Variants in ZNF469 observed in about 807,000 individuals in gnomAD.
The protein encoded by ZNF469 is zinc finger protein 469.
ZNF469 carries 1 observed loss-of-function variant against 1.0 expected under a neutral mutation model. The observed-to-expected ratio is 1.00, with a 90% CI of 0.35 to 4.73. The LOEUF (loss-of-function observed/expected upper bound fraction) is 4.73. Ranked by LOEUF, ZNF469 falls within the 30% of genes most tolerant of loss-of-function variation. The pLI is 0.16. For missense variants in ZNF469, 6,100 were observed against 5,356.3 expected (o/e 1.14, Z -4.33); for synonymous variants, 2,703 against 2,363.4 (o/e 1.14, Z -4.17).
At chr16:88,191,184 G>C in the ZNF469 span, among the ~76,000 whole-genome samples, 1 of 151,786 alleles carries the variant, frequency 6.6e-6, no homozygotes, top group African/African-American at 2.4e-5. Context: ...GGGTTATTTT[G>C]TTCCCAGGAG....
the ZNF469 span, among the ~76,000 whole-genome samples, chr16:88,352,409 G>A: frequency 6.6e-6 from 1 of 152,220 alleles, no homozygotes; most frequent in African/African-American, 2.4e-5. Flanking sequence ...CAGAGCCAGG[G>A]CCTTTTGGAG....
the ZNF469 span, among the ~76,000 whole-genome samples, chr16:88,152,988 C>T: frequency 1.3e-5 from 2 of 152,212 alleles, no homozygotes; most frequent in South Asian, 2.1e-4. This position sits in a 1 kb window ranked among gnomAD's most constrained non-coding sequence, Gnocchi z 4.2. Flanking sequence ...CCCCCAGCAC[C>T]GTGGCTCCGG....
the ZNF469 span, among the ~76,000 whole-genome samples, chr16:88,226,252 C>T: frequency 2.0e-5 from 3 of 152,122 alleles, no homozygotes; most frequent in South Asian, 2.1e-4. Context: ...ACCCCCAGCA[C>T]GCAGGATGTG....
At chr16:88,191,787 G>A in the ZNF469 span, 2 of 152,224 alleles carry the variant, frequency 1.3e-5, no homozygotes, top group African/African-American at 4.8e-5. Flanking sequence ...TCAGAACGCA[G>A]GCAGAGGTGA....
chr16:88,281,777 A>G, the ZNF469 span, among the ~76,000 whole-genome samples: 1 of 151,616 alleles, frequency 6.6e-6, no homozygotes, highest in Non-Finnish European at 1.5e-5. Flanking sequence ...GTACTGTGCC[A>G]CACCGATGCT....
In ZNF469 at chr16:88,435,699, G is replaced by A; in HGVS notation, c.8229G>A (p.Gln2743=). 1 of 1,550,722 alleles carries A rather than the reference G, an allele frequency of 6.4e-7. No individual in the cohort carries two copies. The highest frequency in any genetic ancestry group is 1.2e-5 in the South Asian group (1 of 84,060). ...GRMDGAALGE[Q]PTGQKGASAR... ...TGGATGGTGCAGCTCTGGGGGAACA[G>A]CCAACTGGGCAGAAGGGAGCCTCGG... is the stretch of plus-strand genomic sequence containing the variant. Residue 2743 remains glutamine, a synonymous_variant, in exon 3 of 3, where the codon CAG becomes CAA. Coordinates refer to ENST00000565624, the MANE Select transcript of ZNF469 (RefSeq NM_001367624.2).
At chr16:88,272,954 G>T in the ZNF469 span, among the ~76,000 whole-genome samples, 1 of 149,196 alleles carries the variant, frequency 6.7e-6, no homozygotes. Context: ...GAACGGGTGG[G>T]TGTGTGGATA....
chr16:88,415,185 C>A (rs1271874703), intron 1 of ZNF469, among the ~76,000 whole-genome samples: 3 of 152,214 alleles, frequency 2.0e-5, no homozygotes, highest in African/African-American at 7.2e-5. Flanking sequence ...AGTGCTGGCC[C>A]GGTGACCACC....
the ZNF469 span, among the ~76,000 whole-genome samples, chr16:88,180,383 A>C: frequency 6.6e-6 from 1 of 152,242 alleles, no homozygotes; most frequent in African/African-American, 2.4e-5. Context: ...TGAACTATTA[A>C]AAGAAAGCTG....
At chr16:88,366,879 CCAT>C in the ZNF469 span, among the ~76,000 whole-genome samples, 6 of 152,214 alleles carry the variant, frequency 3.9e-5, no homozygotes, top group Non-Finnish European at 5.9e-5. Flanking sequence ...ATCACCACCA[CCAT>C]CATCACCGTC....
chr16:88,120,456 GCC>G, the ZNF469 span, among the ~76,000 whole-genome samples: 1 of 152,266 alleles, frequency 6.6e-6, no homozygotes, highest in African/African-American at 2.4e-5. Context: ...GAGATGGCGC[GCC>G]CCACCTCGGA....
chr16:88,247,475 AGTG>A, the ZNF469 span, among the ~76,000 whole-genome samples: 1 of 152,124 alleles, frequency 6.6e-6, no homozygotes, highest in African/African-American at 2.4e-5. Context: ...TGAATGAGTG[AGTG>A]AATGAGTGAA....
At chr16:88,238,191 C>T in the ZNF469 span, among the ~76,000 whole-genome samples, 1 of 152,368 alleles carries the variant, frequency 6.6e-6, no homozygotes, top group South Asian at 2.1e-4. Context: ...GCCCACGCTG[C>T]CATGTGGCCG....
chr16:88,224,946 C>G, the ZNF469 span, among the ~76,000 whole-genome samples: 2 of 152,230 alleles, frequency 1.3e-5, no homozygotes, highest in African/African-American at 4.8e-5. Flanking sequence ...GCTCACGTGG[C>G]TCAGCCCCAT....
chr16:88,137,010 G>C, the ZNF469 span, among the ~76,000 whole-genome samples: 2 of 152,340 alleles, frequency 1.3e-5, no homozygotes, highest in South Asian at 4.1e-4. Context: ...TTGTGTGTGC[G>C]TATAGCCATG....
chr16:88,361,983 T>G, the ZNF469 span, among the ~76,000 whole-genome samples: 1 of 152,238 alleles, frequency 6.6e-6, no homozygotes, highest in Non-Finnish European at 1.5e-5. Flanking sequence ...TGTCTGTTCC[T>G]GAATTGTCAG....
At chr16:88,358,050 G>A in the ZNF469 span, among the ~76,000 whole-genome samples, 1 of 152,246 alleles carries the variant, frequency 6.6e-6, no homozygotes, top group Non-Finnish European at 1.5e-5. Flanking sequence ...GCGGGGGGCT[G>A]GGCCAGATGG....
the ZNF469 span, among the ~76,000 whole-genome samples, chr16:88,175,692 C>T: frequency 1.3e-5 from 2 of 152,156 alleles, no homozygotes; most frequent in Non-Finnish European, 1.5e-5. Context: ...TCAGTTAAAG[C>T]CGCACTTCAG....
Position 88,438,447 on chromosome 16 carries a change from G to GGGGCCCCGAGGCGCCTTCCACAA in ZNF469, c.10982_11004dup (p.Ser3669ProfsTer59). 6.5e-7 allele frequency: 1 copy of GGGGCCCCGAGGCGCCTTCCACAA among 1,550,162 alleles called. No individual in the cohort carries two copies. The stretch of plus-strand genomic sequence containing the variant: ...CCTCAAGCCACATGGTGTCTGAGGG[G>GGGGCCCCGAGGCGCCTTCCACAA]GGGCCCCGAGGCGCCTTCCACAAGG... On this transcript the variant is annotated frameshift_variant, in exon 3 of 3. Coordinates refer to ENST00000565624, the MANE Select transcript of ZNF469 (RefSeq NM_001367624.2). LOFTEE classifies it low-confidence loss of function (END_TRUNC).
Sources: gnomAD v4.1 joint callset for allele counts (sites outside exome capture counted in the v4.1 genomes callset) on GRCh38, gnomAD v4.1.1 for gene constraint, Gnocchi (gnomAD v3.1) non-coding constraint, MANE v1.5 for transcripts, NCBI Gene and HGNC (gene_info 2026-07-23, HGNC 2026-07-21) for gene names.